DPPA2: variants seen among roughly 807,000 people sequenced by gnomAD.
DPPA2 encodes the protein developmental pluripotency-associated protein 2.
Under a neutral mutation model 36.2 loss-of-function variants are expected in DPPA2, and 26 were observed. That is an observed-to-expected ratio of 0.72 (90% confidence interval 0.53 to 1.00). The LOEUF (loss-of-function observed/expected upper bound fraction) is 1.00. Ranked by LOEUF, DPPA2 falls within the 50% of genes least tolerant of loss-of-function variation. The pLI, the probability that DPPA2 is intolerant of heterozygous loss-of-function variation, is 0.00. For synonymous variants in DPPA2, 113 were observed against 123.2 expected (o/e 0.92, Z 0.55); for missense variants, 361 against 365.1 (o/e 0.99, Z 0.09).
intron 6 of DPPA2, among the ~76,000 whole-genome samples, 172 bp from the exon 7 acceptor site, chr3:109,304,842 C>T (rs1707524807): frequency 6.6e-6 from 1 of 152,126 alleles, no homozygotes; most frequent in African/African-American, 2.4e-5. Flanking sequence ...AGTTACATAA[C>T]ACAAAGAATA....
At chr3:109,313,719 T>C (rs1707745815) in intron 2 of DPPA2, among the ~76,000 whole-genome samples, 1 of 152,218 alleles carries the variant, frequency 6.6e-6, no homozygotes, top group South Asian at 2.1e-4. Context: ...TATTGCAATA[T>C]TCTCTTCTAG....
At chr3:109,313,645 G>C (rs17804835) in intron 2 of DPPA2, among the ~76,000 whole-genome samples, 61,212 of 152,006 alleles carry the variant, frequency 0.4, 15,008 homozygotes, top group East Asian at 0.67. Flanking sequence ...ACACAGGCTT[G>C]AGTATGGTTC....
At chr3:109,297,375 T>C (rs939392756) in intron 8 of DPPA2, among the ~76,000 whole-genome samples, 9 of 151,878 alleles carry the variant, frequency 5.9e-5, no homozygotes, top group Non-Finnish European at 1.2e-4. Flanking sequence ...AATACAAAAA[T>C]TAACCAGTCA....
chr3:109,301,966 A>T (rs370231552), intron 7 of DPPA2, among the ~76,000 whole-genome samples: 2 of 152,290 alleles, frequency 1.3e-5, no homozygotes, highest in East Asian at 3.9e-4. Context: ...GCAGTGTCCT[A>T]AACAGCCAGT....
intron 8 of DPPA2, among the ~76,000 whole-genome samples, chr3:109,295,914 C>A (rs1250496367): frequency 2.0e-5 from 3 of 152,126 alleles, no homozygotes; most frequent in Admixed American, 2.0e-4. Context: ...GAAATGAAAA[C>A]TGCCTTCATG....
chr3:109,307,966 G>A, intron 6 of DPPA2, 66 bp downstream of exon 6: 3 of 1,552,932 alleles, frequency 1.9e-6, no homozygotes, highest in Non-Finnish European at 2.6e-6. Context: ...CCACGTTTCA[G>A]TCTTGGACTA....
chr3:109,310,740 G>C (rs1707693606), intron 3 of DPPA2, among the ~76,000 whole-genome samples: 1 of 151,846 alleles, frequency 6.6e-6, no homozygotes, highest in African/African-American at 2.4e-5. Context: ...GCCTGACCTT[G>C]TGATCTGCCC....
chr3:109,302,463 T>C (rs1285817514), intron 7 of DPPA2, among the ~76,000 whole-genome samples: 1 of 152,180 alleles, frequency 6.6e-6, no homozygotes, highest in Non-Finnish European at 1.5e-5. Context: ...TCTTTTTCTT[T>C]TGTTTTTGAG....
At chr3:109,306,549 A>G (rs1405489147) in intron 6 of DPPA2, among the ~76,000 whole-genome samples, 2 of 152,086 alleles carry the variant, frequency 1.3e-5, no homozygotes, top group African/African-American at 4.8e-5. Context: ...AAAATGGGGG[A>G]GTAAAAAAAG....
chr3:109,301,206 T>C (rs1187010288), intron 7 of DPPA2, among the ~76,000 whole-genome samples: 1 of 151,898 alleles, frequency 6.6e-6, no homozygotes, highest in Non-Finnish European at 1.5e-5. Flanking sequence ...CTCAAACTCC[T>C]AAGCTCAAGT....
chr3:109,303,229 A>G lies in DPPA2; in HGVS notation c.854+1246T>C, dbSNP rs77936896. Among the ~76,000 whole-genome samples the G allele has an allele frequency of 2.3e-3, 343 of 150,146 alleles. 6 individuals are homozygous for G. Among genetic ancestry groups the G allele is most frequent in the East Asian group, 0.01 (50 of 4,906 alleles). On this transcript the variant is annotated intron_variant, in intron 7 of 8. Coordinates refer to ENST00000478945, the MANE Select transcript of DPPA2 (RefSeq NM_138815.4). ...CAGGCATGAGCCACTGCAACTGGCC[A>G]TCATATTTTTTATTTCCCTGTGTTT...
At chr3:109,314,166 C>T (rs1451111306) in intron 2 of DPPA2, among the ~76,000 whole-genome samples, 1 of 151,978 alleles carries the variant, frequency 6.6e-6, no homozygotes, top group African/African-American at 2.4e-5. Flanking sequence ...TTTTAATTAT[C>T]TTTTCTCTAA....
intron 7 of DPPA2, among the ~76,000 whole-genome samples, chr3:109,301,031 T>C (rs1707449019): frequency 6.6e-6 from 1 of 150,756 alleles, no homozygotes; most frequent in Non-Finnish European, 1.5e-5. Flanking sequence ...CTGCCCAGGC[T>C]GGAGTGCAGT....
chr3:109,307,704 A>G (rs1452763725), intron 6 of DPPA2, among the ~76,000 whole-genome samples: 1 of 152,114 alleles, frequency 6.6e-6, no homozygotes, highest in East Asian at 1.9e-4. Flanking sequence ...AATTTGAACC[A>G]ACACATTCCT....
chr3:109,308,282 T>C lies in DPPA2; in HGVS notation c.408A>G (p.Glu136=). The change falls in exon 6 of 9, where the codon GAA becomes GAG. Residue 136 remains glutamate (E), a synonymous_variant. Coordinates refer to ENST00000478945, the MANE Select transcript of DPPA2 (RefSeq NM_138815.4). ...GCTGTAATCTGGTCTCTTGTGACATTTCAGGCATATCCTGCAAATGAAATT... is the reference window on the plus strand; with the variant it reads ...GCTGTAATCTGGTCTCTTGTGACATCTCAGGCATATCCTGCAAATGAAATT... The part of the protein sequence containing the change: ...AYPEQRQDMP[E]MSQETRLQRC... 1.2e-6 allele frequency: 2 copies of C among 1,614,220 alleles called. No individual in the cohort carries two copies. Among genetic ancestry groups the C allele is most frequent in the Non-Finnish European group, 1.7e-6 (2 of 1,180,036 alleles).
Position 109,308,208 on chromosome 3 carries a change from C to T in DPPA2, c.482G>A (p.Arg161Lys). The change falls in exon 6 of 9, where the codon AGA (arginine) becomes AAA (lysine). Residue 161 changes from arginine to lysine, a missense_variant. Transcript: ENST00000478945. ...KAVTKRARLQ[R>K]SYEMNERAEE... is the part of the protein sequence containing the mutation. Reference sequence around the variant, plus strand: ...TGCTCTCTCATTCATCTCATAACTTCTCTGAAGCCTTGCTCTCTTGGTCAC... The same window carrying T: ...TGCTCTCTCATTCATCTCATAACTTTTCTGAAGCCTTGCTCTCTTGGTCAC... 1 of 1,614,220 alleles carries T rather than the reference C, an allele frequency of 6.2e-7. No individual in the cohort carries two copies. Among genetic ancestry groups the T allele is most frequent in the Non-Finnish European group, 8.5e-7 (1 of 1,180,040 alleles).
At chr3:109,306,999 G>C (rs1234768295) in intron 6 of DPPA2, among the ~76,000 whole-genome samples, 3 of 151,316 alleles carry the variant, frequency 2.0e-5, no homozygotes, top group African/African-American at 7.3e-5. Context: ...GACAGAGTCT[G>C]GATCTGTCTG....
In DPPA2 at chr3:109,307,045, T is replaced by C. The variant is rs542671332; in HGVS notation, c.658+987A>G. 1.8e-4 allele frequency among the ~76,000 whole-genome samples: 28 copies of C among 151,812 alleles called. No homozygotes were observed. The South Asian group carries it at 4.4e-3, about 24-fold the overall frequency. On this transcript the variant is annotated intron_variant, in intron 6 of 8. Coordinates refer to ENST00000478945, the MANE Select transcript of DPPA2 (RefSeq NM_138815.4). ...GTGCCATGGCACAATCTCAGCTCAC[T>C]GCAACCTCTACCTTCTGGGCTCAAG...
At chr3:109,299,469 A>T (rs1311311640) in intron 8 of DPPA2, among the ~76,000 whole-genome samples, 8 of 151,920 alleles carry the variant, frequency 5.3e-5, no homozygotes, top group Non-Finnish European at 1.2e-4. Context: ...GTGAGCTGAG[A>T]TCACGCCACT....
Sources: gnomAD v4.1 joint callset for allele counts (sites outside exome capture counted in the v4.1 genomes callset) on GRCh38, gnomAD v4.1.1 for gene constraint, MANE v1.5 for transcripts, NCBI Gene and HGNC (gene_info 2026-07-23, HGNC 2026-07-21) for gene names.